Variants in EDARADD observed in about 807,000 individuals in gnomAD.
EDARADD encodes the protein EDAR associated via death domain.
In EDARADD, 20 loss-of-function variants were observed where a neutral mutation model predicts 25.6. The observed-to-expected ratio is 0.78, with a 90% CI of 0.55 to 1.14. EDARADD has a LOEUF of 1.14. Ranked by LOEUF, EDARADD falls within the 50% of genes most tolerant of loss-of-function variation. The pLI, the probability that EDARADD is intolerant of heterozygous loss-of-function variation, is 0.00. For missense variants in EDARADD, 225 were observed against 270.1 expected, an observed-to-expected ratio of 0.83 and a Z score of 1.17; for synonymous variants, 86 against 94.4, an observed-to-expected ratio of 0.91 and a Z score of 0.52.
intron 3 of EDARADD, among the ~76,000 whole-genome samples, chr1:236,352,954 G>A (rs1666933727): frequency 6.6e-6 from 1 of 151,830 alleles, no homozygotes; most frequent in Admixed American, 6.6e-5. Flanking sequence ...AGGCTGCAGT[G>A]AGCTATGACC....
intron 2 of EDARADD, among the ~76,000 whole-genome samples, chr1:236,350,200 T>C (rs2812457): frequency 0.35 from 52,856 of 152,154 alleles, 9,481 homozygotes; most frequent in African/African-American, 0.44. Flanking sequence ...TTTGCAGGGC[T>C]ATTTCAAGAT....
At chr1:236,399,558 A>T (rs192919437) in intron 1 of EDARADD, among the ~76,000 whole-genome samples, 1 of 152,364 alleles carries the variant, frequency 6.6e-6, no homozygotes, top group African/African-American at 2.4e-5. Context: ...TCACAGTCAC[A>T]TGGAAGGAAA....
At chr1:236,359,753 C>T (rs1667024279) in intron 3 of EDARADD, among the ~76,000 whole-genome samples, 1 of 152,144 alleles carries the variant, frequency 6.6e-6, no homozygotes, top group Admixed American at 6.5e-5. Context: ...TACTCACTAT[C>T]ATGAGAACAG....
intron 3 of EDARADD, among the ~76,000 whole-genome samples, chr1:236,360,257 C>T (rs1387966866): frequency 6.6e-6 from 1 of 151,766 alleles, no homozygotes; most frequent in Non-Finnish European, 1.5e-5. Flanking sequence ...GAGGTCAAGG[C>T]TTTAGTTAGC....
At chr1:236,426,063 C>A (rs1322991796) in intron 3 of EDARADD, among the ~76,000 whole-genome samples, 1 of 151,966 alleles carries the variant, frequency 6.6e-6, no homozygotes, top group Non-Finnish European at 1.5e-5. Context: ...CTCACTGCAG[C>A]CTTGAACTCC....
At position 236,483,426 on chromosome 1, in the gene EDARADD, G is replaced by A; in HGVS notation, c.*777G>A. On this transcript the variant is annotated 3_prime_UTR_variant, in exon 6 of 6. Transcript: ENST00000334232. ...CAAGAAACTGAACGTCACAGAACAAGAGAAGATTGACAAACTTATGATAGA... is the reference window on the plus strand; with the variant it reads ...CAAGAAACTGAACGTCACAGAACAAAAGAAGATTGACAAACTTATGATAGA... 2 of 1,134,078 alleles carry A rather than the reference G, an allele frequency of 1.8e-6. No individual in the cohort carries two copies. Among genetic ancestry groups the A allele is most frequent in the Non-Finnish European group, 2.7e-6 (2 of 744,866 alleles). 70.3% of individuals were successfully genotyped at this position (1,134,078 alleles called of 1,614,324 possible).
intron 3 of EDARADD, among the ~76,000 whole-genome samples, chr1:236,362,185 G>A (rs941897329): frequency 5.3e-5 from 8 of 152,008 alleles, no homozygotes; most frequent in Non-Finnish European, 7.4e-5. Context: ...AGTGATGCTC[G>A]CACCTTGGCC....
At chr1:236,480,133 A>ATC (rs1028414707) in intron 5 of EDARADD, among the ~76,000 whole-genome samples, 12 of 142,090 alleles carry the variant, frequency 8.4e-5, no homozygotes, top group African/African-American at 2.7e-4. Context: ...ATATATATAT[A>ATC]TATCACATTT....
Position 236,483,019 on chromosome 1 carries a change from C to A in EDARADD, c.*370C>A. ...GAGACTGTTGATAGCCCCAGACATA[C>A]CCACAGCATTATATGTAACATCTCT... On this transcript the variant is annotated 3_prime_UTR_variant, in exon 6 of 6. Transcript: ENST00000334232. 1 of 628,938 alleles carries A rather than the reference C, an allele frequency of 1.6e-6. No homozygotes were observed. The highest frequency in any genetic ancestry group is 1.9e-5 in the South Asian group (1 of 51,922). 39.0% of individuals were successfully genotyped at this position (628,938 alleles called of 1,614,324 possible). A position where few individuals can be genotyped will look rare whatever the true frequency, so the allele number is the denominator to read the frequency against.
intron 3 of EDARADD, among the ~76,000 whole-genome samples, chr1:236,420,370 C>T (rs1657753892): frequency 6.6e-6 from 1 of 152,096 alleles, no homozygotes; most frequent in African/African-American, 2.4e-5. Flanking sequence ...TTTCTGCCAA[C>T]CTTAAAGTTT....
At chr1:236,394,030 A>G (rs1048463937), upstream of EDARADD, among the ~76,000 whole-genome samples, 1 of 151,896 alleles carries the variant, frequency 6.6e-6, no homozygotes, top group East Asian at 1.9e-4. Flanking sequence ...ATATACCACC[A>G]TCTTCTATTT....
In EDARADD at chr1:236,409,089, G is replaced by A. The variant is rs659901; in HGVS notation, c.62-127G>A. On this transcript the variant is annotated intron_variant, in intron 1 of 5. Transcript: ENST00000334232. Reference sequence around the variant, plus strand: ...TTCTTAAAAAAAAAAAAAAAAAAAGGAGTAAGGTTTTCTTCAGCCTAAGTA... The same window carrying A: ...TTCTTAAAAAAAAAAAAAAAAAAAGAAGTAAGGTTTTCTTCAGCCTAAGTA... 0.66 allele frequency: 290,409 copies of A among 437,550 alleles called. 100,309 individuals carry two copies. The highest frequency in any genetic ancestry group is 0.69 in the Non-Finnish European group (168,512 of 243,868). The allele number at this position is 437,550 out of a possible 1,614,324, so 27.1% of individuals were successfully genotyped here. A position where few individuals can be genotyped will look rare whatever the true frequency, so the allele number is the denominator to read the frequency against.
At chr1:236,383,493 G>A (rs1004733349) in intron 3 of EDARADD, among the ~76,000 whole-genome samples, 1 of 151,990 alleles carries the variant, frequency 6.6e-6, no homozygotes, top group Non-Finnish European at 1.5e-5. Flanking sequence ...TTCACCTGGT[G>A]TGCTGTCTTA....
intron 1 of EDARADD, among the ~76,000 whole-genome samples, chr1:236,396,840 C>T (rs943514678): frequency 2.6e-5 from 4 of 151,904 alleles, no homozygotes; most frequent in African/African-American, 7.3e-5. Flanking sequence ...CCTCCTACTG[C>T]CCCATCCCAC....
chr1:236,403,112 C>T lies in EDARADD; in HGVS notation c.62-6104C>T, dbSNP rs148950590. ...CTGGGATTACAAGCATGTGCCACCA[C>T]GCCTGGCTAATTTTTGTATTTTTAG... is the stretch of plus-strand genomic sequence containing the variant. On this transcript the variant is annotated intron_variant, in intron 1 of 5. Coordinates refer to ENST00000334232, the MANE Select transcript of EDARADD (RefSeq NM_145861.4). 8.1e-3 allele frequency among the ~76,000 whole-genome samples: 1,226 copies of T among 152,052 alleles called. 16 individuals are homozygous for T. Among genetic ancestry groups the T allele is most frequent in the African/African-American group, 0.028 (1,172 of 41,500 alleles).
intron 4 of EDARADD, among the ~76,000 whole-genome samples, chr1:236,448,454 G>A (rs1344305076): frequency 6.6e-6 from 1 of 152,160 alleles, no homozygotes; most frequent in Non-Finnish European, 1.5e-5. Context: ...TGGCGGTCAG[G>A]GCAGGCCCAC....
rs1553265111 is a variant in EDARADD, at chr1:236,400,738, T to TG, written c.61+6234dup. On this transcript the variant is annotated intron_variant, in intron 1 of 5. Transcript: ENST00000334232. ...CCCGGCTATTTTTTTTTTTTTTTTT[T>TG]GTATTTTTAGTAGAGATGGGGTCTC... 8.7e-3 allele frequency among the ~76,000 whole-genome samples: 1,236 copies of TG among 141,884 alleles called. 21 individuals carry two copies. The highest frequency in any genetic ancestry group is 0.031 in the African/African-American group (1,166 of 37,800). 93.1% of individuals were successfully genotyped at this position (141,884 alleles called of 152,430 possible).
chr1:236,455,816 G>A (rs1658843963), intron 4 of EDARADD, among the ~76,000 whole-genome samples: 1 of 152,174 alleles, frequency 6.6e-6, no homozygotes, highest in South Asian at 2.1e-4. Flanking sequence ...TTGAGACGGA[G>A]TCTCGCTCTG....
intron 2 of EDARADD, 139 bp from the exon 3 acceptor site, chr1:236,414,121 A>C: frequency 1.4e-6 from 1 of 729,796 alleles, no homozygotes; most frequent in Non-Finnish European, 2.5e-6. Flanking sequence ...ATCAATGGAT[A>C]AGGCCAGTTG....
Sources: allele counts gnomAD v4.1 joint callset (sites outside exome capture counted in the v4.1 genomes callset), GRCh38; gene constraint gnomAD v4.1.1; transcripts MANE v1.5; gene names NCBI Gene and HGNC (gene_info 2026-07-23, HGNC 2026-07-21).